ADAM29: variants seen among roughly 807,000 people sequenced by gnomAD.
The protein encoded by ADAM29 is ADAM metallopeptidase domain 29.
For missense variants in ADAM29, 969 were observed against 1,001.8 expected, an observed-to-expected ratio of 0.97 and a Z score of 0.44; for synonymous variants, 367 against 342.3, an observed-to-expected ratio of 1.07 and a Z score of -0.80.
At chr4:174,947,827 A>G (rs1419881971) in intron 4 of ADAM29, among the ~76,000 whole-genome samples, 1 of 152,178 alleles carries the variant, frequency 6.6e-6, no homozygotes, top group African/African-American at 2.4e-5. Context: ...TCTGTCTAAT[A>G]CTGTCAATTG....
chr4:174,933,233 G>A (rs1744007075), intron 3 of ADAM29, among the ~76,000 whole-genome samples: 1 of 152,070 alleles, frequency 6.6e-6, no homozygotes, highest in South Asian at 2.1e-4. Flanking sequence ...ACAGGGCAGG[G>A]GCTTTGCTCC....
chr4:174,947,312 A>C (rs1744913294), intron 4 of ADAM29, among the ~76,000 whole-genome samples: 1 of 151,952 alleles, frequency 6.6e-6, no homozygotes, highest in Non-Finnish European at 1.5e-5. Context: ...GTTTGCTATT[A>C]TTTTCCTAGT....
Position 174,978,028 on chromosome 4 carries a change from G to A in ADAM29, c.*40G>A, listed in dbSNP as rs558551298. 1.8e-5 allele frequency: 29 copies of A among 1,602,290 alleles called. No homozygotes were observed. The highest frequency in any genetic ancestry group is 2.5e-5 in the Non-Finnish European group (29 of 1,172,346). On this transcript the variant is annotated 3_prime_UTR_variant, in exon 5 of 5. Transcript: ENST00000359240. ...GATGCCTTCCCAGAGTCAACCTCCT[G>A]TGACGCCCTCCCAGAGCCAACCTCG... is the stretch of plus-strand genomic sequence containing the variant.
intron 2 of ADAM29, among the ~76,000 whole-genome samples, chr4:174,921,143 T>C (rs1452462841): frequency 6.6e-6 from 1 of 152,136 alleles, no homozygotes; most frequent in Non-Finnish European, 1.5e-5. Context: ...AAGATGAGTA[T>C]AAACAAAATT....
chr4:174,962,292 A>G (rs1745870548), intron 4 of ADAM29, among the ~76,000 whole-genome samples: 1 of 152,116 alleles, frequency 6.6e-6, no homozygotes, highest in Non-Finnish European at 1.5e-5. Flanking sequence ...CGGGCAGATC[A>G]TGAGGTCAGG....
At chr4:174,950,569 T>C (rs904067842) in intron 4 of ADAM29, among the ~76,000 whole-genome samples, 2 of 152,180 alleles carry the variant, frequency 1.3e-5, no homozygotes, top group Admixed American at 1.3e-4. Context: ...CTGAAAAAAC[T>C]TCCACACACA....
intron 2 of ADAM29, among the ~76,000 whole-genome samples, chr4:174,928,592 A>G (rs900433392): frequency 6.7e-6 from 1 of 149,484 alleles, no homozygotes; most frequent in Non-Finnish European, 1.5e-5. Context: ...GACACCAGCC[A>G]GAGTTGACAG....
chr4:174,949,096 C>A (rs1261337643), intron 4 of ADAM29, among the ~76,000 whole-genome samples: 1 of 152,072 alleles, frequency 6.6e-6, no homozygotes, highest in African/African-American at 2.4e-5. Context: ...AACGTGAGCC[C>A]CCAGGAACTG....
chr4:174,926,763 A>T (rs1743545193), intron 2 of ADAM29, among the ~76,000 whole-genome samples: 1 of 151,446 alleles, frequency 6.6e-6, no homozygotes, highest in Non-Finnish European at 1.5e-5. Flanking sequence ...AAAACATAAC[A>T]CTGTTTCCCC....
intron 4 of ADAM29, among the ~76,000 whole-genome samples, chr4:174,954,501 C>T (rs1288820526): frequency 6.6e-6 from 1 of 152,150 alleles, no homozygotes; most frequent in African/African-American, 2.4e-5. Flanking sequence ...ACCACCGAAT[C>T]TGTTTAATTA....
intron 2 of ADAM29, among the ~76,000 whole-genome samples, chr4:174,923,296 C>T (rs563798857): frequency 9.2e-5 from 14 of 151,796 alleles, no homozygotes; most frequent in African/African-American, 3.4e-4. Context: ...ACATCCTGAT[C>T]CACCCACCTC....
intron 4 of ADAM29, among the ~76,000 whole-genome samples, chr4:174,955,085 T>C (rs1464702301): frequency 1.9e-5 from 1 of 52,462 alleles, no homozygotes; most frequent in East Asian, 5.8e-4. Context: ...TTAAATGCAT[T>C]TTTTTTCAAA....
intron 4 of ADAM29, among the ~76,000 whole-genome samples, chr4:174,955,028 A>T (rs888918408): frequency 5.3e-5 from 8 of 152,134 alleles, no homozygotes; most frequent in African/African-American, 1.9e-4. Flanking sequence ...AAATGAAAAA[A>T]TAAACAGCAG....
chr4:174,956,081 A>G (rs1049389689), intron 4 of ADAM29, among the ~76,000 whole-genome samples: 1 of 152,044 alleles, frequency 6.6e-6, no homozygotes, highest in Non-Finnish European at 1.5e-5. Flanking sequence ...ATGGCCAGTT[A>G]TCTCTAAAAT....
At chr4:174,958,866 A>G (rs1435432627) in intron 4 of ADAM29, among the ~76,000 whole-genome samples, 3 of 151,804 alleles carry the variant, frequency 2.0e-5, no homozygotes, top group Non-Finnish European at 4.4e-5. Context: ...ATAACACTAT[A>G]TTTTATTTGT....
chr4:174,964,364 A>C (rs912255241), intron 4 of ADAM29, among the ~76,000 whole-genome samples: 56 of 152,136 alleles, frequency 3.7e-4, no homozygotes, highest in African/African-American at 1.4e-3. Context: ...AGAGAAACCA[A>C]ACCTGCCAAC....
chr4:174,957,080 A>C (rs1207124288), intron 4 of ADAM29, among the ~76,000 whole-genome samples: 1 of 151,948 alleles, frequency 6.6e-6, no homozygotes, highest in African/African-American at 2.4e-5. Context: ...ACACACAGGC[A>C]ACAATTGCTT....
intron 4 of ADAM29, among the ~76,000 whole-genome samples, chr4:174,938,264 TG>T (rs1273620217): frequency 6.6e-6 from 1 of 152,046 alleles, no homozygotes; most frequent in African/African-American, 2.4e-5. Context: ...GCATGAATTA[TG>T]TGGAAGATAT....
chr4:174,923,323 G>A (rs1188136776), intron 2 of ADAM29, among the ~76,000 whole-genome samples: 2 of 151,560 alleles, frequency 1.3e-5, no homozygotes, highest in Non-Finnish European at 2.9e-5. Flanking sequence ...CCAAAGTGCT[G>A]GGATTACAGT....
Sources: gnomAD v4.1 joint callset for allele counts (sites outside exome capture counted in the v4.1 genomes callset) on GRCh38, gnomAD v4.1.1 for gene constraint, MANE v1.5 for transcripts, NCBI Gene and HGNC (gene_info 2026-07-23, HGNC 2026-07-21) for gene names.